TFPI: variants seen among roughly 807,000 people sequenced by gnomAD.
TFPI encodes tissue factor pathway inhibitor, also known as anti-convertin.
TFPI carries 15 observed loss-of-function variants against 34.6 expected under a neutral mutation model. The observed-to-expected ratio is 0.43, with a 90% CI of 0.29 to 0.67. The LOEUF (loss-of-function observed/expected upper bound fraction) is 0.67. TFPI is among the 30% of genes least tolerant of loss of function. The pLI, the probability that TFPI is intolerant of heterozygous loss-of-function variation, is 0.15. For synonymous variants in TFPI, 105 were observed against 120.1 expected, an observed-to-expected ratio of 0.87 and a Z score of 0.82; for missense variants, 301 against 364.0, an observed-to-expected ratio of 0.83 and a Z score of 1.41.
chr2:187,473,052 A>G (rs1333809754), intron 6 of TFPI, among the ~76,000 whole-genome samples: 4 of 152,134 alleles, frequency 2.6e-5, no homozygotes, highest in Non-Finnish European at 5.9e-5. Context: ...ACTGTTATAC[A>G]CTATCAGTTA....
intron 1 of TFPI, among the ~76,000 whole-genome samples, chr2:187,508,360 T>C (rs1686373847): frequency 6.6e-6 from 1 of 152,198 alleles, no homozygotes. Context: ...AGAAAGTCAA[T>C]GGTAGCTTAA....
At chr2:187,550,892 AT>A (rs945818667) in intron 1 of TFPI, among the ~76,000 whole-genome samples, 2 of 152,128 alleles carry the variant, frequency 1.3e-5, no homozygotes, top group African/African-American at 4.8e-5. Flanking sequence ...GGAATGAGGA[AT>A]GAAGTGATGC....
At chr2:187,483,252 T>TC (rs1693008459) in intron 6 of TFPI, among the ~76,000 whole-genome samples, 2 of 151,742 alleles carry the variant, frequency 1.3e-5, no homozygotes, top group Middle Eastern at 6.8e-3. Context: ...AAACACTGTT[T>TC]CTTTTTTTTT....
intron 1 of TFPI, among the ~76,000 whole-genome samples, chr2:187,534,354 G>C (rs183681861): frequency 6.6e-6 from 1 of 152,330 alleles, no homozygotes; most frequent in Admixed American, 6.5e-5. Flanking sequence ...AAGCCCATCA[G>C]ATTAACAGTG....
chr2:187,508,113 A>G (rs1170042505), intron 1 of TFPI, among the ~76,000 whole-genome samples: 6 of 152,170 alleles, frequency 3.9e-5, no homozygotes, highest in Non-Finnish European at 8.8e-5. Context: ...CAAAGATCAG[A>G]TGATTTTAGA....
At chr2:187,468,082 A>G in intron 6 of TFPI, 150 bp from the exon 7 acceptor site, 1 of 599,102 alleles carries the variant, frequency 1.7e-6, no homozygotes, top group South Asian at 5.2e-5. Flanking sequence ...CGTGCATTTC[A>G]ATTCTAGGAA....
At chr2:187,497,756 A>G (rs1337880770) in intron 2 of TFPI, among the ~76,000 whole-genome samples, 1 of 151,908 alleles carries the variant, frequency 6.6e-6, no homozygotes, top group East Asian at 1.9e-4. Flanking sequence ...AGAATTTTCT[A>G]TCCTGGGAAT....
chr2:187,489,396 G>T (rs2106040029), intron 3 of TFPI, among the ~76,000 whole-genome samples: 1 of 151,342 alleles, frequency 6.6e-6, no homozygotes, highest in South Asian at 2.1e-4. Flanking sequence ...GTGTGTGTGT[G>T]TGTATATGTA....
intron 3 of TFPI, among the ~76,000 whole-genome samples, chr2:187,489,589 A>G (rs917881685): frequency 2.0e-5 from 3 of 151,738 alleles, no homozygotes; most frequent in Non-Finnish European, 4.4e-5. Context: ...TAATGAGTAC[A>G]TAAGACTAGA....
At chr2:187,478,880 G>C in intron 6 of TFPI, 1 of 1,233,736 alleles carries the variant, frequency 8.1e-7, no homozygotes, top group Non-Finnish European at 1.2e-6. Flanking sequence ...TGCTGAGGGT[G>C]GGGGAAGTCT....
chr2:187,510,364 T>A (rs931917995), intron 1 of TFPI, among the ~76,000 whole-genome samples: 1 of 152,130 alleles, frequency 6.6e-6, no homozygotes, highest in African/African-American at 2.4e-5. Flanking sequence ...GCTTCAATTA[T>A]ACAGTCCAAC....
chr2:187,506,737 G>C (rs1686244615), intron 1 of TFPI, among the ~76,000 whole-genome samples: 1 of 151,926 alleles, frequency 6.6e-6, no homozygotes, highest in Admixed American at 6.6e-5. Context: ...ATGGGGTTTG[G>C]GAAAGAAGAT....
chr2:187,508,607 G>C (rs1364114397), intron 1 of TFPI, among the ~76,000 whole-genome samples: 18 of 152,072 alleles, frequency 1.2e-4, no homozygotes, highest in Non-Finnish European at 2.5e-4. Flanking sequence ...TTTGCTCTCT[G>C]TTTGTCTGTT....
chr2:187,542,866 CAA>C (rs11393601), intron 1 of TFPI, among the ~76,000 whole-genome samples: 58 of 121,712 alleles, frequency 4.8e-4, no homozygotes, highest in African/African-American at 1.2e-3. Flanking sequence ...GACTTAGTCT[CAA>C]AAAAAAAAAA....
intron 2 of TFPI, among the ~76,000 whole-genome samples, chr2:187,497,587 A>G (rs1269738471): frequency 6.6e-6 from 1 of 152,002 alleles, no homozygotes; most frequent in Non-Finnish European, 1.5e-5. Flanking sequence ...AATATACTTC[A>G]TGGTGCTTTT....
intron 2 of TFPI, 150 bp from the exon 3 acceptor site, chr2:187,497,228 G>T: frequency 1.3e-6 from 1 of 766,438 alleles, no homozygotes. Context: ...TATCAAAATG[G>T]TAGATAAAGT....
At chr2:187,512,958 A>G (rs537944266) in intron 1 of TFPI, among the ~76,000 whole-genome samples, 1 of 152,316 alleles carries the variant, frequency 6.6e-6, no homozygotes, top group African/African-American at 2.4e-5. Flanking sequence ...TTTATGCAAG[A>G]AATGTTGTAT....
chr2:187,495,077 A>C (rs960423670), intron 3 of TFPI, among the ~76,000 whole-genome samples: 1 of 152,198 alleles, frequency 6.6e-6, no homozygotes, highest in African/African-American at 2.4e-5. Context: ...TTACATTTAC[A>C]TGCTAGCCAG....
At chr2:187,548,775 TTTA>T (rs1559163316) in intron 1 of TFPI, among the ~76,000 whole-genome samples, 1 of 151,878 alleles carries the variant, frequency 6.6e-6, no homozygotes, top group Non-Finnish European at 1.5e-5. Context: ...TGAAAAGAGT[TTTA>T]TCCAGAGCTC....
Sources: allele counts gnomAD v4.1 joint callset (sites outside exome capture counted in the v4.1 genomes callset), GRCh38; gene constraint gnomAD v4.1.1; transcripts MANE v1.5; gene names NCBI Gene and HGNC (gene_info 2026-07-23, HGNC 2026-07-21).